The following ZNF324B variants were observed in gnomAD, a reference collection of about 807,000 sequenced individuals.
The protein encoded by ZNF324B is zinc finger protein 324B.
Under a neutral mutation model 10.6 loss-of-function variants are expected in ZNF324B, and 7 were observed. That is an observed-to-expected ratio of 0.66 (90% CI 0.38 to 1.24). The LOEUF (loss-of-function observed/expected upper bound fraction) is 1.24, where lower values mean the gene tolerates loss of function less well. Among genes scored for constraint, ZNF324B ranks in the 50% most tolerant of loss-of-function variants. The pLI is 0.02. For missense variants in ZNF324B, 640 were observed against 764.7 expected, an observed-to-expected ratio of 0.84 and a Z score of 1.92; for synonymous variants, 316 against 321.0, an observed-to-expected ratio of 0.98 and a Z score of 0.17.
At chr19:58,435,805 T>C in the ZNF324B span, 2 of 152,842 alleles carry the variant, frequency 1.3e-5, no homozygotes, top group Admixed American at 6.5e-5. Flanking sequence ...GGGGTCTTGC[T>C]ATGTTGCCCA....
rs1228534809 is a variant in ZNF324B at position 58,455,882 on chromosome 19, A to G, written c.938A>G (p.Tyr313Cys). ...CGCATCCACAGCGGCGAGACGCCCT[A>G]CGCGTGCCCCGTGTGCGGCAAGGCC... is the stretch of plus-strand genomic sequence containing the variant. ...HQRIHSGETP[Y>C]ACPVCGKAFR... The change falls in exon 4 of 4, where the codon TAC (tyrosine) becomes TGC (cysteine). Residue 313 changes from tyrosine to cysteine, a missense_variant. Tyr to Cys is a radical substitution (Grantham distance 194). Around this residue, in one of 3 missense-constraint regions of ZNF324B, gnomAD observed 57 missense variants for 118.8 expected, o/e 0.48. Transcript: ENST00000336614. The surrounding 1 kb of genome is among the most constrained non-coding windows in gnomAD (Gnocchi z 7.0). 2.9e-5 allele frequency: 46 copies of G among 1,607,706 alleles called. No homozygotes were observed. The highest frequency in any genetic ancestry group is 3.8e-5 in the Non-Finnish European group (45 of 1,176,440).
chr19:58,425,740 G>T, the ZNF324B span, among the ~76,000 whole-genome samples: 1 of 152,122 alleles, frequency 6.6e-6, no homozygotes, highest in Admixed American at 6.5e-5. Flanking sequence ...CAAAGTGCTG[G>T]GATTACAGGC....
At chr19:58,434,514 C>T in the ZNF324B span, 5 of 1,614,198 alleles carry the variant, frequency 3.1e-6, no homozygotes, top group Non-Finnish European at 4.2e-6. Context: ...TGTGAAATTT[C>T]TGGTGCTTCC....
At chr19:58,448,036 T>C (rs1250585683), upstream of ZNF324B, among the ~76,000 whole-genome samples, 1 of 152,222 alleles carries the variant, frequency 6.6e-6, no homozygotes, top group Non-Finnish European at 1.5e-5. Context: ...TTTGTCTTCA[T>C]AAATTACCCA....
the ZNF324B span, chr19:58,445,095 T>C: frequency 3.7e-5 from 10 of 270,562 alleles, no homozygotes; most frequent in Non-Finnish European, 6.4e-5. Context: ...TTGAGGTTCA[T>C]ACATGTTATA....
At chr19:58,420,547 TG>T in the ZNF324B span, among the ~76,000 whole-genome samples, 1 of 150,818 alleles carries the variant, frequency 6.6e-6, no homozygotes, top group Non-Finnish European at 1.5e-5. Flanking sequence ...CTGGGCAACA[TG>T]GCAAGACCCC....
the ZNF324B span, chr19:58,434,410 C>G: frequency 1.9e-5 from 30 of 1,614,114 alleles, no homozygotes; most frequent in Non-Finnish European, 2.5e-5. Context: ...CTCATAAGGT[C>G]TTTCTCCTGA....
the ZNF324B span, chr19:58,428,819 G>C: frequency 6.6e-6 from 1 of 152,172 alleles, no homozygotes; most frequent in Non-Finnish European, 1.5e-5. Context: ...TAGAGTTTTT[G>C]TACCAATGAT....
At position 58,456,416 on chromosome 19, in the gene ZNF324B, G is replaced by A. The variant is rs1407447460; in HGVS notation, c.1472G>A (p.Arg491His). ...FVCTQCGRAF[R>H]ERPALLHHQR... ...TGCACGCAGTGTGGCCGCGCCTTCC[G>A]TGAGCGCCCTGCCCTCTTGCACCAC... is the stretch of plus-strand genomic sequence containing the variant. Residue 491 changes from arginine to histidine, a missense_variant, in exon 4 of 4, where the codon CGT (arginine) becomes CAT (histidine). This residue lies in a region of ZNF324B where 238 missense variants were observed against 258.0 expected (regional missense o/e 0.92). Transcript: ENST00000336614. This position sits in a 1 kb window ranked among gnomAD's most constrained non-coding sequence, Gnocchi z 4.7. The A allele has an allele frequency of 5.0e-6, 8 of 1,613,380 alleles. No homozygotes were observed. Among genetic ancestry groups the A allele is most frequent in the South Asian group, 1.1e-5 (1 of 91,080 alleles).
chr19:58,449,655 C>T (rs778262082), upstream of ZNF324B, among the ~76,000 whole-genome samples: 3 of 152,202 alleles, frequency 2.0e-5, no homozygotes, highest in Non-Finnish European at 2.9e-5. Context: ...CTTTAAGATT[C>T]GACTGTCCTG....
At chr19:58,432,270 A>C in the ZNF324B span, 10 of 516,050 alleles carry the variant, frequency 1.9e-5, no homozygotes, top group Non-Finnish European at 3.9e-5. Flanking sequence ...AGAGAGGTGA[A>C]GTGAATGTAC....
chr19:58,436,777 G>A, the ZNF324B span: 1 of 555,558 alleles, frequency 1.8e-6, no homozygotes, highest in African/African-American at 1.9e-5. Flanking sequence ...GTGAATCTCA[G>A]TGGGATCTGT....
At chr19:58,429,244 TG>T in the ZNF324B span, 1 of 152,244 alleles carries the variant, frequency 6.6e-6, no homozygotes, top group Admixed American at 6.5e-5. Flanking sequence ...CTGATGCAGG[TG>T]GCTAAACATT....
chr19:58,444,245 G>A, the ZNF324B span: 1 of 152,282 alleles, frequency 6.6e-6, no homozygotes, highest in African/African-American at 2.4e-5. Flanking sequence ...TGTCTTCCAA[G>A]ATTCACTCTT....
intron 1 of ZNF324B, chr19:58,453,284 A>C: frequency 4.0e-6 from 1 of 249,578 alleles, no homozygotes; most frequent in Non-Finnish European, 7.9e-6. Flanking sequence ...CAGCAGGGGA[A>C]GGTCTCAGTG....
chr19:58,427,353 T>TCCTTCTTTCTTTCTTTCTTTCTCTTTC, the ZNF324B span, among the ~76,000 whole-genome samples: 1 of 56,050 alleles, frequency 1.8e-5, no homozygotes, highest in Non-Finnish European at 3.4e-5. Flanking sequence ...CTCTTTCCTT[T>TCCTTCTTTCTTTCTTTCTTTCTCTTTC]CTTTCTTTCT....
chr19:58,439,698 G>C, the ZNF324B span: 2 of 1,468,618 alleles, frequency 1.4e-6, no homozygotes, highest in African/African-American at 1.5e-5. Flanking sequence ...CTCTATCTGG[G>C]CTTCAGGATC....
At chr19:58,424,181 G>C in the ZNF324B span, among the ~76,000 whole-genome samples, 3 of 152,044 alleles carry the variant, frequency 2.0e-5, no homozygotes, top group African/African-American at 7.2e-5. Context: ...CCCAGGAGGC[G>C]GAGGTTGCAG....
In ZNF324B at chr19:58,455,024, C is replaced by T. The variant is rs2052899925; in HGVS notation, c.239-159C>T. On this transcript the variant is annotated intron_variant, in intron 3 of 3. Transcript: ENST00000336614. The surrounding 1 kb of genome is among the most constrained non-coding windows in gnomAD (Gnocchi z 7.0). Reference sequence around the variant, plus strand: ...GCCACACCTGTCAGGGCAGATGCTTCCTCCAAACCCCAGCCCCTCCTGCAG... The same window carrying T: ...GCCACACCTGTCAGGGCAGATGCTTTCTCCAAACCCCAGCCCCTCCTGCAG... 1 of 983,408 alleles carries T rather than the reference C, an allele frequency of 1.0e-6. No homozygotes were observed. Among genetic ancestry groups the T allele is most frequent in the Non-Finnish European group, 1.6e-6 (1 of 630,266 alleles). The allele number at this position is 983,408 out of a possible 1,614,324, so 60.9% of individuals were successfully genotyped here.
Sources: gnomAD v4.1 joint callset for allele counts (sites outside exome capture counted in the v4.1 genomes callset) on GRCh38, gnomAD v4.1.1 for gene constraint, gnomAD v4.1.1 regional missense constraint, Gnocchi (gnomAD v3.1) non-coding constraint, MANE v1.5 for transcripts, NCBI Gene and HGNC (gene_info 2026-07-23, HGNC 2026-07-21) for gene names.